The following MOV10L1 variants were observed in gnomAD, a reference collection of about 807,000 sequenced individuals.
MOV10L1 encodes the protein Mov10 like RNA helicase 1.
MOV10L1 carries 110 observed loss-of-function variants against 143.8 expected under a neutral mutation model. The ratio of observed to expected loss-of-function variants is 0.76; its 90% confidence interval spans 0.66 to 0.90. The LOEUF is 0.90. Ranked by LOEUF, MOV10L1 falls within the 40% of genes least tolerant of loss-of-function variation. The pLI, the probability that MOV10L1 is intolerant of heterozygous loss-of-function variation, is 0.00. For missense variants in MOV10L1, 1,406 were observed against 1,526.8 expected (o/e 0.92, Z 1.32); for synonymous variants, 593 against 581.1 (o/e 1.02, Z -0.29).
chr22:50,104,156 C>T (rs934640112), intron 3 of MOV10L1, among the ~76,000 whole-genome samples: 2 of 152,202 alleles, frequency 1.3e-5, no homozygotes, highest in African/African-American at 4.8e-5. Context: ...GAATCTACTA[C>T]CCCTGCTGAT....
At chr22:50,149,535 G>A (rs182170807) in intron 19 of MOV10L1, 80 bp from the exon 20 acceptor site, 88 of 1,407,234 alleles carry the variant, frequency 6.3e-5, no homozygotes, top group Admixed American at 4.4e-4. Context: ...GGTGCTGAGC[G>A]TGGCTTTGCC....
intron 1 of MOV10L1, chr22:50,091,486 A>G (rs747760130): frequency 6.5e-6 from 1 of 154,882 alleles, no homozygotes; most frequent in Non-Finnish European, 1.5e-5. Context: ...AATCGATAGT[A>G]CTAATAAAAC....
At chr22:50,138,520 T>C (rs1337678793) in intron 15 of MOV10L1, among the ~76,000 whole-genome samples, 1 of 150,102 alleles carries the variant, frequency 6.7e-6, no homozygotes, top group Admixed American at 6.7e-5. Flanking sequence ...ATTGTACCAC[T>C]ACACTCCAGC....
At chr22:50,123,335 T>C (rs761282906) in intron 10 of MOV10L1, among the ~76,000 whole-genome samples, 2 of 152,160 alleles carry the variant, frequency 1.3e-5, no homozygotes, top group Non-Finnish European at 2.9e-5. Context: ...CAGGAATAAA[T>C]TCCACTTGAT....
intron 14 of MOV10L1, among the ~76,000 whole-genome samples, chr22:50,134,272 C>G (rs1194803906): frequency 6.6e-6 from 1 of 151,846 alleles, no homozygotes; most frequent in Admixed American, 6.6e-5. Context: ...CTTAAATAAC[C>G]GAAAATAAAT....
At chr22:50,153,979 G>T (rs1332909742) in intron 22 of MOV10L1, among the ~76,000 whole-genome samples, 1 of 152,232 alleles carries the variant, frequency 6.6e-6, no homozygotes, top group Non-Finnish European at 1.5e-5. Flanking sequence ...CTGCCTTGGG[G>T]CCTCTGCATT....
rs1386922790 is a variant in MOV10L1, at chr22:50,150,774, A to G, written c.2767A>G (p.Ile923Val). 1 of 1,614,150 alleles carries G rather than the reference A, an allele frequency of 6.2e-7. No individual in the cohort carries two copies. The highest frequency in any genetic ancestry group is 8.5e-7 in the Non-Finnish European group (1 of 1,180,010). ...AGACCCCATGCAGCTCGGCCCAGTC[A>G]TTAAGTCCAGACTCGCCATGGCCTA... is the stretch of plus-strand genomic sequence containing the variant. ...AGDPMQLGPV[I>V]KSRLAMAYGL... Residue 923 changes from isoleucine to valine, a missense_variant, in exon 21 of 27, where the codon ATT becomes GTT. Around this residue, in one of 3 missense-constraint regions of MOV10L1, gnomAD observed 1,233 missense variants for 1,351.4 expected, o/e 0.91. Transcript: ENST00000262794.
chr22:50,110,321 C>T (rs570793322), intron 5 of MOV10L1, among the ~76,000 whole-genome samples: 19 of 151,756 alleles, frequency 1.3e-4, no homozygotes, highest in Admixed American at 6.6e-4. Context: ...TGGTGGCCGG[C>T]GCCTGTAGTC....
At chr22:50,111,693 C>A (rs375837347) in intron 5 of MOV10L1, among the ~76,000 whole-genome samples, 3 of 151,784 alleles carry the variant, frequency 2.0e-5, no homozygotes, top group Non-Finnish European at 4.4e-5. Flanking sequence ...TTAATAGAGA[C>A]GGGGTTTCAC....
intron 10 of MOV10L1, among the ~76,000 whole-genome samples, chr22:50,125,076 T>C (rs576029079): frequency 6.6e-6 from 1 of 152,384 alleles, no homozygotes. Context: ...AGCCAAATTC[T>C]GCCTTCCCAG....
chr22:50,118,341 A>G (rs1284199145), intron 9 of MOV10L1, among the ~76,000 whole-genome samples: 1 of 152,100 alleles, frequency 6.6e-6, no homozygotes, highest in East Asian at 1.9e-4. Context: ...TGTGGTTTGA[A>G]GATTGAATGA....
chr22:50,115,205 TCCAGGGG>T lies in MOV10L1; in HGVS notation c.1219_1225del (p.Pro407GlufsTer29). The T allele has an allele frequency of 6.5e-7, 1 of 1,546,990 alleles. No individual in the cohort carries two copies. The highest frequency in any genetic ancestry group is 8.6e-7 in the Non-Finnish European group (1 of 1,156,768). On this transcript the variant is annotated frameshift_variant, in exon 8 of 27. Transcript: ENST00000262794. LOFTEE classifies it high-confidence loss of function. ...AGCCTGAGCCTGGGGGGCTTGTCCC[TCCAGGGG>T]GAAAAACCTTCATTGTGGTCATCTG...
intron 3 of MOV10L1, 93 bp from the exon 4 acceptor site, chr22:50,108,043 C>T: frequency 8.8e-7 from 1 of 1,132,894 alleles, no homozygotes; most frequent in Non-Finnish European, 1.3e-6. Flanking sequence ...CAAATGTATC[C>T]TCAGGTATGA....
At position 50,114,511 on chromosome 22, in the gene MOV10L1, G is replaced by T; in HGVS notation, c.1015G>T (p.Glu339Ter). The T allele has an allele frequency of 6.2e-7, 1 of 1,614,182 alleles. No individual in the cohort carries two copies. The highest frequency in any genetic ancestry group is 8.5e-7 in the Non-Finnish European group (1 of 1,180,040). Residue 339 changes from glutamate (E) to a stop codon, truncating the protein, a stop_gained, in exon 7 of 27, where the codon GAG becomes TAG. Coordinates refer to ENST00000262794, the MANE Select transcript of MOV10L1 (RefSeq NM_018995.3). LOFTEE classifies it high-confidence loss of function. Reference protein sequence around the residue: ...CPVVSFVSVPEKENSSDENIN... With the variant: ...CPVVSFVSVP ...CGTGGTATCTTTTGTTTCTGTTCCT[G>T]AGAAGGAGAATTCATCAGATGAAAA...
intron 15 of MOV10L1, among the ~76,000 whole-genome samples, chr22:50,140,235 G>A (rs2062941202): frequency 6.6e-6 from 1 of 152,204 alleles, no homozygotes. Flanking sequence ...TGAAGTTCGA[G>A]AGCATGTGAG....
At chr22:50,130,576 G>GA (rs1381895231) in intron 13 of MOV10L1, among the ~76,000 whole-genome samples, 1 of 142,478 alleles carries the variant, frequency 7.0e-6, no homozygotes, top group Non-Finnish European at 1.6e-5. Flanking sequence ...GGAGGACCAG[G>GA]AGGGGGGTAC....
chr22:50,090,725 G>A (rs1310143933), intron 1 of MOV10L1: 4 of 604,984 alleles, frequency 6.6e-6, no homozygotes, highest in Non-Finnish European at 1.2e-5. Flanking sequence ...TGCCCAGGCT[G>A]GAGTGCAGTG....
intron 9 of MOV10L1, among the ~76,000 whole-genome samples, chr22:50,120,045 C>T (rs1001400130): frequency 2.6e-5 from 4 of 152,138 alleles, no homozygotes; most frequent in African/African-American, 9.7e-5. Context: ...CCAGAGAAAC[C>T]ACAGGCTGGG....
intron 4 of MOV10L1, 130 bp from the exon 5 acceptor site, chr22:50,108,527 G>A: frequency 1.0e-6 from 1 of 962,764 alleles, no homozygotes; most frequent in African/African-American, 1.6e-5. Flanking sequence ...CTGGACCAGT[G>A]CTACGGGATG....
Sources: gnomAD v4.1 joint callset for allele counts (sites outside exome capture counted in the v4.1 genomes callset) on GRCh38, gnomAD v4.1.1 for gene constraint, gnomAD v4.1.1 regional missense constraint, MANE v1.5 for transcripts, NCBI Gene and HGNC (gene_info 2026-07-23, HGNC 2026-07-21) for gene names.